ANKRD33B: variants seen among roughly 807,000 people sequenced by gnomAD.
The protein encoded by ANKRD33B is ankyrin repeat domain 33B, also known as ankyrin repeat domain-containing protein 33B.
A neutral mutation model predicts 21.5 loss-of-function variants in ANKRD33B; 6 were observed. That is an observed-to-expected ratio of 0.28 (90% CI 0.15 to 0.55). The LOEUF is 0.55. ANKRD33B is among the 20% of genes least tolerant of loss of function. ANKRD33B has a pLI of 0.94. For synonymous variants in ANKRD33B, 347 were observed against 342.4 expected (o/e 1.01, Z -0.15); for missense variants, 698 against 747.2 (o/e 0.93, Z 0.77).
At chr5:10,639,535 G>C (rs1295212448) in intron 3 of ANKRD33B, among the ~76,000 whole-genome samples, 2 of 18,052 alleles carry the variant, frequency 1.1e-4, no homozygotes, top group South Asian at 3.8e-3. Flanking sequence ...GCGATGTTAG[G>C]CGGTGACGTG....
At chr5:10,607,907 A>G (rs1316952179) in intron 1 of ANKRD33B, among the ~76,000 whole-genome samples, 1 of 152,190 alleles carries the variant, frequency 6.6e-6, no homozygotes, top group Non-Finnish European at 1.5e-5. Flanking sequence ...GGAGGAGCAC[A>G]AATGCCTATT....
intron 2 of ANKRD33B, among the ~76,000 whole-genome samples, chr5:10,623,997 G>A (rs1188656400): frequency 6.6e-6 from 1 of 152,188 alleles, no homozygotes; most frequent in African/African-American, 2.4e-5. Flanking sequence ...TCTTCAGTCT[G>A]CTCTCTGGAG....
chr5:10,652,076 T>C lies in ANKRD33B; in HGVS notation c.*1963T>C, dbSNP rs1186488674. On this transcript the variant is annotated 3_prime_UTR_variant, in exon 4 of 4. Coordinates refer to ENST00000296657, the MANE Select transcript of ANKRD33B (RefSeq NM_001164440.2). This position sits in a 1 kb window ranked among gnomAD's most constrained non-coding sequence, Gnocchi z 4.1. ...AGACTGTAACTGACACTGGTTATCT[T>C]TGGGGTTGTCTTTCCTGAATCCTTT... is the stretch of plus-strand genomic sequence containing the variant. 1 of 152,158 alleles carries C rather than the reference T, an allele frequency of 6.6e-6. No individual in the cohort carries two copies. The highest frequency in any genetic ancestry group is 1.5e-5 in the Non-Finnish European group (1 of 68,032). The allele number at this position is 152,158 out of a possible 1,614,324, so 9.4% of individuals were successfully genotyped here. A position where few individuals can be genotyped will look rare whatever the true frequency, so the allele number is the denominator to read the frequency against.
intron 1 of ANKRD33B, among the ~76,000 whole-genome samples, chr5:10,585,779 A>G (rs1340613612): frequency 6.6e-6 from 1 of 152,222 alleles, no homozygotes; most frequent in Admixed American, 6.5e-5. Flanking sequence ...TCATGGGGTC[A>G]TGGCCTCATG....
intron 1 of ANKRD33B, among the ~76,000 whole-genome samples, chr5:10,616,424 C>T (rs921114592): frequency 3.3e-5 from 5 of 151,878 alleles, no homozygotes; most frequent in Non-Finnish European, 7.4e-5. Context: ...ATTAGCCGGG[C>T]GTGGTGGCAC....
At chr5:10,631,054 ATTTC>A (rs2126593417) in intron 2 of ANKRD33B, among the ~76,000 whole-genome samples, 1 of 152,204 alleles carries the variant, frequency 6.6e-6, no homozygotes, top group South Asian at 2.1e-4. Context: ...AAGTCAGATA[ATTTC>A]TTTATGTTAG....
At chr5:10,632,350 A>T (rs1396787602) in intron 2 of ANKRD33B, among the ~76,000 whole-genome samples, 1 of 151,990 alleles carries the variant, frequency 6.6e-6, no homozygotes, top group Non-Finnish European at 1.5e-5. Context: ...GGAAGAGTCA[A>T]CCGGGAAGCA....
At chr5:10,640,125 G>A (rs1264863651) in intron 3 of ANKRD33B, among the ~76,000 whole-genome samples, 2 of 123,944 alleles carry the variant, frequency 1.6e-5, no homozygotes, top group Admixed American at 7.8e-5. Flanking sequence ...TGATGTTAGC[G>A]GGTGACGTGG....
Position 10,564,557 on chromosome 5 carries a change from C to T in ANKRD33B, c.90C>T (p.Val30=). 3 of 1,533,938 alleles carry T rather than the reference C, an allele frequency of 2.0e-6. No individual in the cohort carries two copies. The highest frequency in any genetic ancestry group is 2.6e-6 in the Non-Finnish European group (3 of 1,146,420). The change falls in exon 1 of 4, where the codon GTC becomes GTT. Residue 30 remains valine (V), a synonymous_variant. Coordinates refer to ENST00000296657, the MANE Select transcript of ANKRD33B (RefSeq NM_001164440.2). The stretch of plus-strand genomic sequence containing the variant: ...CGTCCCCACCCCGGGGCGCGCAGGT[C>T]GAGGAGGACCCCGCTGACTACGAAG... ...PPPSPPRGAQ[V]EEDPADYEEF... is the part of the protein sequence containing the mutation.
chr5:10,650,778 T>G lies in ANKRD33B; in HGVS notation c.*665T>G, dbSNP rs1737334114. 1 of 152,418 alleles carries G rather than the reference T, an allele frequency of 6.6e-6. No homozygotes were observed. The highest frequency in any genetic ancestry group is 1.5e-5 in the Non-Finnish European group (1 of 68,058). 9.4% of individuals were successfully genotyped at this position (152,418 alleles called of 1,614,324 possible). On this transcript the variant is annotated 3_prime_UTR_variant, in exon 4 of 4. Coordinates refer to ENST00000296657, the MANE Select transcript of ANKRD33B (RefSeq NM_001164440.2). ...ATGTTACTGTATCTTTTTAAAACTC[T>G]TATCCATATAGTAATATATTGAGGA...
intron 1 of ANKRD33B, among the ~76,000 whole-genome samples, chr5:10,593,262 A>G (rs1261268693): frequency 6.6e-6 from 1 of 152,230 alleles, no homozygotes; most frequent in African/African-American, 2.4e-5. Flanking sequence ...AACATATTTT[A>G]AATTATTATC....
At chr5:10,622,218 T>G (rs767859085) in intron 2 of ANKRD33B, among the ~76,000 whole-genome samples, 3 of 152,194 alleles carry the variant, frequency 2.0e-5, no homozygotes, top group Non-Finnish European at 4.4e-5. Context: ...AGGAACTGAA[T>G]ACTGCCAGAG....
rs148856607 is a variant in ANKRD33B at position 10,588,903 on chromosome 5, C to T, written c.366+24070C>T. On this transcript the variant is annotated intron_variant, in intron 1 of 3. Transcript: ENST00000296657. ...CTAGTGGCTCCCTAGAGAGAGTGAA[C>T]TTGCTTATTGTCATCACTTATGCAT... Among the ~76,000 whole-genome samples the T allele has an allele frequency of 2.9e-3, 436 of 152,248 alleles. 4 individuals carry two copies. The highest frequency in any genetic ancestry group is 0.01 in the African/African-American group (421 of 41,538).
At chr5:10,631,902 G>A (rs368912787) in intron 2 of ANKRD33B, among the ~76,000 whole-genome samples, 1 of 152,184 alleles carries the variant, frequency 6.6e-6, no homozygotes, top group Non-Finnish European at 1.5e-5. Context: ...AATGCTGGTC[G>A]GTTGTTTCAT....
At chr5:10,648,402 G>T (rs1213070665) in intron 3 of ANKRD33B, among the ~76,000 whole-genome samples, 3 of 152,226 alleles carry the variant, frequency 2.0e-5, no homozygotes, top group Non-Finnish European at 4.4e-5. Context: ...AGTATGCAAG[G>T]CAGCTTTGTT....
intron 2 of ANKRD33B, among the ~76,000 whole-genome samples, chr5:10,623,284 C>T (rs1736467033): frequency 6.6e-6 from 1 of 152,184 alleles, no homozygotes; most frequent in Non-Finnish European, 1.5e-5. Flanking sequence ...TTGCAGGGTT[C>T]ACTGAATTAG....
At chr5:10,566,817 A>G (rs981957113) in intron 1 of ANKRD33B, among the ~76,000 whole-genome samples, 1 of 152,156 alleles carries the variant, frequency 6.6e-6, no homozygotes, top group East Asian at 1.9e-4. Context: ...AATAGGGATA[A>G]GGGCAGCCTC....
rs560432272 is a variant in ANKRD33B at position 10,616,139 on chromosome 5, A to G, written c.367-2194A>G. ...TATGGATGTCAGTGTTAGAAAATCA[A>G]TGGTATTCTGTAGAACTTTAAACAT... On this transcript the variant is annotated intron_variant, in intron 1 of 3. Coordinates refer to ENST00000296657, the MANE Select transcript of ANKRD33B (RefSeq NM_001164440.2). Among the ~76,000 whole-genome samples the G allele has an allele frequency of 5.3e-5, 8 of 152,358 alleles. No homozygotes were observed. The East Asian group carries it at 1.3e-3, about 26-fold the overall frequency.
intron 2 of ANKRD33B, among the ~76,000 whole-genome samples, chr5:10,623,740 C>T (rs896742239): frequency 6.6e-6 from 1 of 152,182 alleles, no homozygotes; most frequent in African/African-American, 2.4e-5. Context: ...GTAGCAGGAT[C>T]GGGTGGCCGG....
Sources: gnomAD v4.1 joint callset for allele counts (sites outside exome capture counted in the v4.1 genomes callset) on GRCh38, gnomAD v4.1.1 for gene constraint, Gnocchi (gnomAD v3.1) non-coding constraint, MANE v1.5 for transcripts, NCBI Gene and HGNC (gene_info 2026-07-23, HGNC 2026-07-21) for gene names.